The following KAT6B variants were observed in gnomAD, a reference collection of about 807,000 sequenced individuals.
KAT6B encodes lysine acetyltransferase 6B, also known as histone acetyltransferase KAT6B.
KAT6B carries 10 observed loss-of-function variants against 187.5 expected under a neutral mutation model. The ratio of observed to expected loss-of-function variants is 0.05; its 90% CI spans 0.03 to 0.09. The LOEUF (loss-of-function observed/expected upper bound fraction) is 0.09. KAT6B is among the 10% of genes least tolerant of loss of function. The pLI, the probability that KAT6B is intolerant of heterozygous loss-of-function variation, is 1.00. For missense variants in KAT6B, 1,952 were observed against 2,558.9 expected (o/e 0.76, Z 5.12); for synonymous variants, 861 against 926.8 (o/e 0.93, Z 1.29).
Position 74,965,915 on chromosome 10 carries a change from T to TA in KAT6B, c.731-3745_731-3744insA, listed in dbSNP as rs575268551. Among the ~76,000 whole-genome samples the TA allele has an allele frequency of 3.6e-4, 55 of 151,890 alleles. 1 individual carries two copies. In the South Asian group the frequency reaches 0.011, roughly 32 times the overall value. On this transcript the variant is annotated intron_variant, in intron 4 of 17. Coordinates refer to ENST00000287239, the MANE Select transcript of KAT6B (RefSeq NM_012330.4). ...CAATTTTCTGTATTTTTTTTTTTTT[T>TA]TAGTAGAGACGGGGTTTCACCATGT...
At chr10:74,867,607 G>A (rs879852210) in intron 3 of KAT6B, among the ~76,000 whole-genome samples, 4 of 152,208 alleles carry the variant, frequency 2.6e-5, no homozygotes, top group African/African-American at 9.6e-5. Flanking sequence ...TGAGGGACAC[G>A]AGGACATGTC....
intron 3 of KAT6B, among the ~76,000 whole-genome samples, chr10:74,957,173 G>A (rs138439914): frequency 1.2e-4 from 18 of 152,200 alleles, no homozygotes; most frequent in African/African-American, 3.1e-4. Flanking sequence ...ATTTACATGC[G>A]TTACTGTAAA....
At chr10:74,924,086 C>T (rs1178629581) in intron 3 of KAT6B, among the ~76,000 whole-genome samples, 1 of 152,080 alleles carries the variant, frequency 6.6e-6, no homozygotes, top group East Asian at 1.9e-4. Context: ...GCCTGAATAA[C>T]TGGAAGGATG....
intron 3 of KAT6B, among the ~76,000 whole-genome samples, chr10:74,850,932 G>C (rs985970610): frequency 6.6e-6 from 1 of 152,092 alleles, no homozygotes; most frequent in Non-Finnish European, 1.5e-5. Flanking sequence ...TACATAATGT[G>C]GGAATTCTCA....
Position 74,975,460 on chromosome 10 carries a change from G to C in KAT6B, c.1123G>C (p.Gly375Arg). 1 of 1,614,084 alleles carries C rather than the reference G, an allele frequency of 6.2e-7. No homozygotes were observed. Among genetic ancestry groups the C allele is most frequent in the Non-Finnish European group, 8.5e-7 (1 of 1,180,012 alleles). The change falls in exon 8 of 18, where the codon GGT (glycine) becomes CGT (arginine). Residue 375 changes from glycine (G) to arginine (R), a missense_variant. By Grantham distance (125) the Gly-to-Arg change is moderately radical. This residue lies in a region of KAT6B where 417 missense variants were observed against 508.9 expected (regional missense o/e 0.82). Transcript: ENST00000287239. ...AFTGRGSPGR[G>R]QKTKVCTTPS... The stretch of plus-strand genomic sequence containing the variant: ...CACAGGAAGGGGGTCACCTGGTAGG[G>C]GTCAAAAGACTAAAGTCTGTACCAC...
intron 6 of KAT6B, 97 bp downstream of exon 6, chr10:74,970,198 A>AT (rs1841756361): frequency 4.7e-6 from 4 of 860,084 alleles, no homozygotes; most frequent in Admixed American, 3.9e-5. Flanking sequence ...TTCTTTAAGC[A>AT]TTTTTTTCAT....
Position 75,031,258 on chromosome 10 carries a change from T to G in KAT6B, c.*212T>G. The G allele has an allele frequency of 1.7e-6, 1 of 576,190 alleles. No homozygotes were observed. The highest frequency in any genetic ancestry group is 3.0e-5 in the East Asian group (1 of 33,134). 35.7% of individuals were successfully genotyped at this position (576,190 alleles called of 1,614,324 possible). ...TTTCCTTTTTCTTTTTTTTGGTACCTTCATTTCTGTTACTTTTATATAAAA... is the reference window on the plus strand; with the variant it reads ...TTTCCTTTTTCTTTTTTTTGGTACCGTCATTTCTGTTACTTTTATATAAAA... On this transcript the variant is annotated 3_prime_UTR_variant, in exon 18 of 18. Coordinates refer to ENST00000287239, the MANE Select transcript of KAT6B (RefSeq NM_012330.4).
chr10:74,944,136 C>T (rs540286752), intron 3 of KAT6B, among the ~76,000 whole-genome samples: 1 of 152,326 alleles, frequency 6.6e-6, no homozygotes, highest in African/African-American at 2.4e-5. Flanking sequence ...GGCCCAGGAA[C>T]AGCCTTGGAT....
chr10:74,938,758 A>G (rs1362990790), intron 3 of KAT6B, among the ~76,000 whole-genome samples: 2 of 151,800 alleles, frequency 1.3e-5, no homozygotes, highest in African/African-American at 2.4e-5. Flanking sequence ...TTTTTGTGAG[A>G]CAGAGTCTCA....
At chr10:74,850,633 T>C (rs1842419319) in intron 3 of KAT6B, among the ~76,000 whole-genome samples, 1 of 152,230 alleles carries the variant, frequency 6.6e-6, no homozygotes, top group African/African-American at 2.4e-5. Context: ...ACTTTATCTT[T>C]GACTTGGTGA....
chr10:74,947,531 T>C (rs1284732610), intron 3 of KAT6B, among the ~76,000 whole-genome samples: 3 of 152,254 alleles, frequency 2.0e-5, no homozygotes, highest in Non-Finnish European at 4.4e-5. Context: ...ATCTACTGTG[T>C]GTATAATTCT....
chr10:74,828,562 C>CTTTT (rs1160950109), intron 1 of KAT6B, among the ~76,000 whole-genome samples: 128 of 94,790 alleles, frequency 1.4e-3, no homozygotes, highest in African/African-American at 1.5e-3. Flanking sequence ...CTCATAAGTT[C>CTTTT]TTTTTTTTTT....
chr10:74,889,370 T>G (rs1390144688), intron 3 of KAT6B, among the ~76,000 whole-genome samples: 1 of 152,224 alleles, frequency 6.6e-6, no homozygotes, highest in Non-Finnish European at 1.5e-5. Context: ...CTTTGAGAAC[T>G]TTAAGGCCTG....
intron 3 of KAT6B, among the ~76,000 whole-genome samples, chr10:74,915,642 C>T (rs1847618516): frequency 6.6e-6 from 1 of 152,198 alleles, no homozygotes; most frequent in African/African-American, 2.4e-5. Flanking sequence ...TGTTAAATTG[C>T]AGTTAATATT....
chr10:75,011,604 CAG>C (rs1180917747), intron 13 of KAT6B, among the ~76,000 whole-genome samples: 1 of 152,204 alleles, frequency 6.6e-6, no homozygotes, highest in Non-Finnish European at 1.5e-5. Context: ...ATGATACTGA[CAG>C]AGTATAACAT....
In KAT6B at chr10:74,906,511, C is replaced by G. The variant is rs574588323; in HGVS notation, c.622-53459C>G. 3.3e-5 allele frequency among the ~76,000 whole-genome samples: 5 copies of G among 152,196 alleles called. 1 individual carries two copies. In the South Asian group the frequency reaches 1.0e-3, roughly 32 times the overall value. The stretch of plus-strand genomic sequence containing the variant: ...AATTCTGGTGGATTTGGTTGGTTCT[C>G]TCTGTAGTAAGAGTAGAGAAGAATG... On this transcript the variant is annotated intron_variant, in intron 3 of 17. Coordinates refer to ENST00000287239, the MANE Select transcript of KAT6B (RefSeq NM_012330.4).
chr10:74,947,634 T>C (rs1338773781), intron 3 of KAT6B, among the ~76,000 whole-genome samples: 1 of 152,236 alleles, frequency 6.6e-6, no homozygotes, highest in Non-Finnish European at 1.5e-5. Flanking sequence ...ATTTTACCAA[T>C]GTCACCAAAA....
At chr10:74,912,720 C>CAT (rs1485667308) in intron 3 of KAT6B, among the ~76,000 whole-genome samples, 3 of 152,176 alleles carry the variant, frequency 2.0e-5, no homozygotes, top group African/African-American at 7.2e-5. Flanking sequence ...GGATATAATA[C>CAT]ATAGTCCTAT....
intron 3 of KAT6B, among the ~76,000 whole-genome samples, chr10:74,935,058 T>C (rs1849145101): frequency 6.6e-6 from 1 of 152,238 alleles, no homozygotes; most frequent in African/African-American, 2.4e-5. Context: ...GCTATTCTCT[T>C]TGGGCCCATT....
Sources: gnomAD v4.1 joint callset for allele counts (sites outside exome capture counted in the v4.1 genomes callset) on GRCh38, gnomAD v4.1.1 for gene constraint, gnomAD v4.1.1 regional missense constraint, MANE v1.5 for transcripts, NCBI Gene and HGNC (gene_info 2026-07-23, HGNC 2026-07-21) for gene names.